OPA1: variants seen among roughly 807,000 people sequenced by gnomAD.
OPA1 encodes dynamin-like GTPase OPA1, mitochondrial.
In OPA1, 59 loss-of-function variants were observed where a neutral mutation model predicts 152.9. The observed-to-expected ratio is 0.39, with a 90% CI of 0.31 to 0.48. The LOEUF (loss-of-function observed/expected upper bound fraction) is 0.48. OPA1 is among the 20% of genes least tolerant of loss of function. The pLI, the probability that OPA1 is intolerant of heterozygous loss-of-function variation, is 0.96. For synonymous variants in OPA1, 400 were observed against 389.9 expected, an observed-to-expected ratio of 1.03 and a Z score of -0.31; for missense variants, 1,008 against 1,216.8, an observed-to-expected ratio of 0.83 and a Z score of 2.55.
chr3:193,642,933 A>C, intron 12 of OPA1, 42 bp from the exon 13 acceptor site: 1 of 1,574,222 alleles, frequency 6.4e-7, no homozygotes, highest in Non-Finnish European at 8.7e-7. Context: ...TTGTGAATTA[A>C]GATTTTCTTA....
intron 28 of OPA1, among the ~76,000 whole-genome samples, chr3:193,666,855 G>A (rs1375689725): frequency 2.0e-5 from 3 of 152,122 alleles, no homozygotes; most frequent in Non-Finnish European, 2.9e-5. Context: ...AAAGATGGGT[G>A]ATAAAACATA....
At chr3:193,643,266 C>A in intron 13 of OPA1, 107 bp from the exon 14 acceptor site, 1 of 952,860 alleles carries the variant, frequency 1.0e-6, no homozygotes, top group African/African-American at 1.6e-5. Context: ...AGCGTCTTAT[C>A]TGAATGGATG....
intron 16 of OPA1, among the ~76,000 whole-genome samples, chr3:193,645,327 A>T (rs1734386908): frequency 2.0e-5 from 3 of 152,174 alleles, no homozygotes; most frequent in Admixed American, 1.3e-4. Flanking sequence ...AGAACTACAC[A>T]TCATTCCGGG....
intron 25 of OPA1, among the ~76,000 whole-genome samples, chr3:193,662,162 A>G (rs1715423452): frequency 3.3e-5 from 5 of 152,216 alleles, no homozygotes; most frequent in Admixed American, 3.3e-4. Flanking sequence ...TTAACACAGT[A>G]TAAGAATCTT....
At chr3:193,693,541 G>T (rs925866503) in intron 30 of OPA1, among the ~76,000 whole-genome samples, 39 of 152,142 alleles carry the variant, frequency 2.6e-4, no homozygotes, top group African/African-American at 9.4e-4. Flanking sequence ...TCGGGAGCCT[G>T]AGTCAGGAGA....
At position 193,596,410 on chromosome 3, in the gene OPA1, C is replaced by CTTTT. The variant is rs758574570; in HGVS notation, c.32+3002_32+3005dup. Among the ~76,000 whole-genome samples, 339 of 124,596 alleles carry CTTTT rather than the reference C, an allele frequency of 2.7e-3. 3 individuals are homozygous for CTTTT. The highest frequency in any genetic ancestry group is 0.017 in the South Asian group (68 of 3,944). 81.7% of individuals were successfully genotyped at this position (124,596 alleles called of 152,430 possible). On this transcript the variant is annotated intron_variant, in intron 1 of 30. Transcript: ENST00000361510. The stretch of plus-strand genomic sequence containing the variant: ...CTTTTCTGTTCTTTTCTTTTCTTTT[C>CTTTT]TTTTCTTTTCTTTCACACAGGATCT...
At chr3:193,593,865 C>T (rs1725059892) in intron 1 of OPA1, among the ~76,000 whole-genome samples, 1 of 152,096 alleles carries the variant, frequency 6.6e-6, no homozygotes, top group Non-Finnish European at 1.5e-5. Flanking sequence ...ATTGCATCTT[C>T]AGGTACCTGG....
chr3:193,675,286 A>G (rs1246990600), intron 29 of OPA1, among the ~76,000 whole-genome samples: 2 of 149,042 alleles, frequency 1.3e-5, no homozygotes, highest in African/African-American at 5.0e-5. Flanking sequence ...AAGTTGTAGA[A>G]TTCTAGGTAT....
At chr3:193,596,400 CTTTTCTT>C (rs1293813489) in intron 1 of OPA1, among the ~76,000 whole-genome samples, 11 of 90,236 alleles carry the variant, frequency 1.2e-4, no homozygotes, top group Non-Finnish European at 2.0e-4. Flanking sequence ...CTGTTCTTTT[CTTTTCTT>C]TTCTTTTCTT....
At chr3:193,632,922 A>G (rs1732323051) in intron 8 of OPA1, among the ~76,000 whole-genome samples, 1 of 152,208 alleles carries the variant, frequency 6.6e-6, no homozygotes, top group South Asian at 2.1e-4. Context: ...AAAAAGTGAA[A>G]CGACTACAAG....
rs923189933 is a variant in OPA1 at position 193,644,506 on chromosome 3, A to T, written c.1608+401A>T. On this transcript the variant is annotated intron_variant, in intron 16 of 30. Transcript: ENST00000361510. ...ATTACTTCAGTAGTGAGCCACTGTTATATAAGGAAAGGTTTATATCAGTGT... is the reference window on the plus strand; with the variant it reads ...ATTACTTCAGTAGTGAGCCACTGTTTTATAAGGAAAGGTTTATATCAGTGT... Among the ~76,000 whole-genome samples, 4 of 152,218 alleles carry T rather than the reference A, an allele frequency of 2.6e-5. No homozygotes were observed. In the East Asian group the frequency reaches 5.8e-4, roughly 22 times the overall value.
intron 7 of OPA1, among the ~76,000 whole-genome samples, chr3:193,627,706 T>A (rs1281229898): frequency 6.6e-6 from 1 of 152,190 alleles, no homozygotes; most frequent in Non-Finnish European, 1.5e-5. Context: ...TCAAGAGATA[T>A]CCATAATGAA....
At chr3:193,659,602 T>G in intron 25 of OPA1, 41 bp downstream of exon 25, 2 of 1,531,190 alleles carry the variant, frequency 1.3e-6, no homozygotes, top group Non-Finnish European at 1.8e-6. Flanking sequence ...TGATATAATT[T>G]TGTTCATTTT....
At chr3:193,601,129 T>A (rs1411539465) in intron 1 of OPA1, among the ~76,000 whole-genome samples, 1 of 151,968 alleles carries the variant, frequency 6.6e-6, no homozygotes, top group Admixed American at 6.6e-5. Flanking sequence ...CCCTGGGAGG[T>A]CTGATTGGCT....
At chr3:193,653,945 C>T (rs1418089150) in intron 21 of OPA1, among the ~76,000 whole-genome samples, 1 of 152,076 alleles carries the variant, frequency 6.6e-6, no homozygotes, top group Non-Finnish European at 1.5e-5. Flanking sequence ...AACTCTCATT[C>T]TCTGCTAGTG....
In OPA1 at chr3:193,657,119, A is replaced by G. The variant is rs1023896326; in HGVS notation, c.2218A>G (p.Met740Val). 2 of 1,613,900 alleles carry G rather than the reference A, an allele frequency of 1.2e-6. No homozygotes were observed. The highest frequency in any genetic ancestry group is 1.7e-6 in the Non-Finnish European group (2 of 1,179,906). Residue 740 changes from methionine (M) to valine (V), a missense_variant, in exon 23 of 31, where the codon ATG becomes GTG. Transcript: ENST00000361510. ...CCTACAAGAAGAATTTTCCCGCTTT[A>G]TGACAGAACCGAAAGGGAAAGAGCA... ...ETLQEEFSRF[M>V]TEPKGKEHDD...
intron 29 of OPA1, among the ~76,000 whole-genome samples, chr3:193,683,982 G>C (rs116356915): frequency 6.6e-6 from 1 of 152,110 alleles, no homozygotes; most frequent in Non-Finnish European, 1.5e-5. Flanking sequence ...TCAGTTTCCT[G>C]GTGGCTGGCA....
chr3:193,646,376 A>G (rs1328045466), intron 18 of OPA1: 1 of 155,096 alleles, frequency 6.4e-6, no homozygotes, highest in Non-Finnish European at 1.4e-5. Flanking sequence ...AACATATAGA[A>G]CTGTGCTGTC....
At chr3:193,693,138 C>T (rs566212865) in intron 30 of OPA1, among the ~76,000 whole-genome samples, 2 of 152,314 alleles carry the variant, frequency 1.3e-5, no homozygotes, top group African/African-American at 2.4e-5. Context: ...TCCCTGGCTA[C>T]GCTCGGTTCA....
Sources: allele counts gnomAD v4.1 joint callset (sites outside exome capture counted in the v4.1 genomes callset), GRCh38; gene constraint gnomAD v4.1.1; transcripts MANE v1.5; gene names NCBI Gene and HGNC (gene_info 2026-07-23, HGNC 2026-07-21).